PRRT3: variants seen among roughly 807,000 people sequenced by gnomAD.
PRRT3 encodes the protein proline rich transmembrane protein 3.
A neutral mutation model predicts 56.6 loss-of-function variants in PRRT3; 48 were observed. The observed-to-expected ratio is 0.85, with a 90% CI of 0.67 to 1.08. The LOEUF (loss-of-function observed/expected upper bound fraction) is 1.08, where lower values mean the gene tolerates loss of function less well. Ranked by LOEUF, PRRT3 falls within the 50% of genes least tolerant of loss-of-function variation. The pLI is 0.00. For synonymous variants in PRRT3, 641 were observed against 619.1 expected (o/e 1.04, Z -0.52); for missense variants, 1,370 against 1,353.1 (o/e 1.01, Z -0.20).
At position 9,950,189 on chromosome 3, in the gene PRRT3, G is replaced by C; in HGVS notation, c.-57-17C>G. ...TGGATGAGCCTAAAAAAAAAACAGGGCATGGAATGACATGTGAGGGCTGGG... is the reference window on the plus strand; with the variant it reads ...TGGATGAGCCTAAAAAAAAAACAGGCCATGGAATGACATGTGAGGGCTGGG... On this transcript the variant is annotated splice_polypyrimidine_tract_variant and intron_variant, in intron 1 of 3. Coordinates refer to ENST00000412055, the MANE Select transcript of PRRT3 (RefSeq NM_207351.5). The C allele has an allele frequency of 7.9e-7, 1 of 1,262,936 alleles. No homozygotes were observed. The highest frequency in any genetic ancestry group is 1.0e-6 in the Non-Finnish European group (1 of 983,264). The allele number at this position is 1,262,936 out of a possible 1,614,324, so 78.2% of individuals were successfully genotyped here.
chr3:9,947,226 C>T lies in PRRT3; in HGVS notation c.1947G>A (p.Leu649=). 1.3e-6 allele frequency: 2 copies of T among 1,499,376 alleles called. No homozygotes were observed. The highest frequency in any genetic ancestry group is 1.8e-6 in the Non-Finnish European group (2 of 1,131,466). The allele number at this position is 1,499,376 out of a possible 1,614,324, so 92.9% of individuals were successfully genotyped here. A position where few individuals can be genotyped will look rare whatever the true frequency, so the allele number is the denominator to read the frequency against. ...CAGCCGCCAGCTGCAAGCCGCTAGCCAGCAGCCCCAGCGCGCCCGCCACAG... is the reference window on the plus strand; with the variant it reads ...CAGCCGCCAGCTGCAAGCCGCTAGCTAGCAGCCCCAGCGCGCCCGCCACAG... ...LLAVAGALGL[L]ASGLQLAAAL... The change falls in exon 4 of 4, where the codon CTG becomes CTA. Residue 649 remains leucine (L), a synonymous_variant. Coordinates refer to ENST00000412055, the MANE Select transcript of PRRT3 (RefSeq NM_207351.5). The surrounding 1 kb of genome is among the most constrained non-coding windows in gnomAD (Gnocchi z 9.2).
rs1269608085 is a variant in PRRT3 at position 9,948,834 on chromosome 3, C to T, written c.1095G>A (p.Lys365=). The T allele has an allele frequency of 1.9e-6, 3 of 1,612,982 alleles. No individual in the cohort carries two copies. In the South Asian group the frequency reaches 3.3e-5, roughly 18 times the overall value. Residue 365 remains lysine, a synonymous_variant, in exon 3 of 4, where the codon AAG becomes AAA. Coordinates refer to ENST00000412055, the MANE Select transcript of PRRT3 (RefSeq NM_207351.5). ...RGAVEAPGTP[K]SLIPGPSDPG... ...GGTCTGAGGGACCAGGGATGAGAGA[C>T]TTGGGGGTGCCTGGGGCCTCCACAG... is the stretch of plus-strand genomic sequence containing the variant.
At chr3:9,951,571 C>T (rs2124887593) in intron 1 of PRRT3, among the ~76,000 whole-genome samples, 1 of 152,330 alleles carries the variant, frequency 6.6e-6, no homozygotes, top group African/African-American at 2.4e-5. Context: ...ATGGGCTGCT[C>T]CTGGTCTAGG....
Position 9,949,230 on chromosome 3 carries a change from C to T in PRRT3, c.886G>A (p.Val296Met), listed in dbSNP as rs754226356. ...VETPKRAGAE[V>M]SWEVSSPGPP... Reference sequence around the variant, plus strand: ...CCTGGGGAGCTGACTTCCCAGGACACCTCAGCGCCAGCCCTCTTGGGGGTC... The same window carrying T: ...CCTGGGGAGCTGACTTCCCAGGACATCTCAGCGCCAGCCCTCTTGGGGGTC... Residue 296 changes from valine to methionine, a missense_variant, in exon 2 of 4, where the codon GTG becomes ATG. Val to Met is a conservative substitution (Grantham distance 21). Transcript: ENST00000412055. This position sits in a 1 kb window ranked among gnomAD's most constrained non-coding sequence, Gnocchi z 4.5. 39 of 1,603,504 alleles carry T rather than the reference C, an allele frequency of 2.4e-5. No homozygotes were observed. The highest frequency in any genetic ancestry group is 1.7e-4 in the Middle Eastern group (1 of 6,008).
rs2124874256 is a variant in PRRT3, at chr3:9,946,311, C to T, written c.2862G>A (p.Arg954=). ...PTPAPDSTAA[R]QGDGQGEVQP... Reference sequence around the variant, plus strand: ...GGACCTCTCCCTGGCCGTCCCCCTGCCGAGCGGCGGTAGAATCAGGGGCTG... The same window carrying T: ...GGACCTCTCCCTGGCCGTCCCCCTGTCGAGCGGCGGTAGAATCAGGGGCTG... The change falls in exon 4 of 4, where the codon CGG becomes CGA. Residue 954 remains arginine (R), a synonymous_variant. Transcript: ENST00000412055. This position sits in a 1 kb window ranked among gnomAD's most constrained non-coding sequence, Gnocchi z 4.1. 1.9e-6 allele frequency: 3 copies of T among 1,612,698 alleles called. No homozygotes were observed. Among genetic ancestry groups the T allele is most frequent in the East Asian group, 2.2e-5 (1 of 44,836 alleles).
chr3:9,950,299 T>C, intron 1 of PRRT3, 127 bp from the exon 2 acceptor site: 1 of 415,902 alleles, frequency 2.4e-6, no homozygotes, highest in Non-Finnish European at 4.2e-6. Context: ...TTGCTGGACG[T>C]GGCACTTGCC....
chr3:9,948,775 A>G lies in PRRT3; in HGVS notation c.1154T>C (p.Met385Thr), dbSNP rs754608915. The stretch of plus-strand genomic sequence containing the variant: ...GCTCTCACCTGGCTGCAGGGCCCCC[A>G]TGGGGCTCTCTGTTCGGTTTACAGC... ...GPAVNRTESP[M>T]GALQPDEAEE... The change falls in exon 3 of 4, where the codon ATG becomes ACG. Residue 385 changes from methionine to threonine, a missense_variant. Met to Thr is a moderately conservative substitution (Grantham distance 81). Transcript: ENST00000412055. The G allele has an allele frequency of 6.2e-7, 1 of 1,613,570 alleles. No individual in the cohort carries two copies. The highest frequency in any genetic ancestry group is 1.1e-5 in the South Asian group (1 of 91,074).
chr3:9,947,110 G>C lies in PRRT3; in HGVS notation c.2063C>G (p.Thr688Arg). The change falls in exon 4 of 4, where the codon ACA becomes AGA. Residue 688 changes from threonine (T) to arginine (R), a missense_variant. Thr to Arg is a moderately conservative substitution (Grantham distance 71, BLOSUM62 -1). Coordinates refer to ENST00000412055, the MANE Select transcript of PRRT3 (RefSeq NM_207351.5). This position sits in a 1 kb window ranked among gnomAD's most constrained non-coding sequence, Gnocchi z 9.2. Reference sequence around the variant, plus strand: ...GGCCAACGCCAGGGCGAGCGCCCATGTCAGCTCCAGGAGGCGCAGCCAGAA... The same window carrying C: ...GGCCAACGCCAGGGCGAGCGCCCATCTCAGCTCCAGGAGGCGCAGCCAGAA... ...VHFWLRLLEL[T>R]WALALALAAV... 2 of 1,538,232 alleles carry C rather than the reference G, an allele frequency of 1.3e-6. No individual in the cohort carries two copies. Among genetic ancestry groups the C allele is most frequent in the South Asian group, 1.2e-5 (1 of 84,068 alleles).
chr3:9,946,350 C>T lies in PRRT3; in HGVS notation c.2823G>A (p.Leu941=). The T allele has an allele frequency of 6.2e-7, 1 of 1,611,668 alleles. No individual in the cohort carries two copies. The highest frequency in any genetic ancestry group is 8.5e-7 in the Non-Finnish European group (1 of 1,179,230). The change falls in exon 4 of 4, where the codon CTG becomes CTA. Residue 941 remains leucine, a synonymous_variant. Coordinates refer to ENST00000412055, the MANE Select transcript of PRRT3 (RefSeq NM_207351.5). The surrounding 1 kb of genome is among the most constrained non-coding windows in gnomAD (Gnocchi z 4.1). ...AATCAGGGGCTGGGGTCGGGGCAGG[C>T]AGTAGCTGTACCGTGCTGGGCAACT... The part of the protein sequence containing the change: ...LDELPSTVQL[L]PAPTPAPDST...
intron 1 of PRRT3, among the ~76,000 whole-genome samples, chr3:9,951,239 G>A (rs1358105376): frequency 1.3e-5 from 2 of 152,204 alleles, no homozygotes; most frequent in African/African-American, 2.4e-5. Context: ...GAGGCAGGAA[G>A]GGGCCCCACC....
Position 9,948,876 on chromosome 3 carries a change from G to A in PRRT3, c.1053C>T (p.Pro351=). The A allele has an allele frequency of 1.2e-6, 2 of 1,604,668 alleles. No homozygotes were observed. Among genetic ancestry groups the A allele is most frequent in the Non-Finnish European group, 1.7e-6 (2 of 1,175,222 alleles). Residue 351 remains proline (P), a synonymous_variant, in exon 3 of 4, where the codon CCC becomes CCT. Coordinates refer to ENST00000412055, the MANE Select transcript of PRRT3 (RefSeq NM_207351.5). The stretch of plus-strand genomic sequence containing the variant: ...CCTCCACAGCTCCTCTCACCCGCTG[G>A]GGGGAGATGGGGTCTGCTCCATTCA... ...AAMNGADPIS[P]QRVRGAVEAP... is the part of the protein sequence containing the mutation.
rs2085497343 is a variant in PRRT3 at position 9,945,597 on chromosome 3, G to A, written c.*630C>T. ...AAAGAGGACAATCTAGACAAGCGAG[G>A]CTCATCACTCCACGTTGGGGAGTCT... On this transcript the variant is annotated 3_prime_UTR_variant, in exon 4 of 4. Coordinates refer to ENST00000412055, the MANE Select transcript of PRRT3 (RefSeq NM_207351.5). 6.5e-6 allele frequency: 1 copy of A among 152,934 alleles called. No individual in the cohort carries two copies. Among genetic ancestry groups the A allele is most frequent in the South Asian group, 2.1e-4 (1 of 4,838 alleles). 9.5% of individuals were successfully genotyped at this position (152,934 alleles called of 1,614,324 possible).
rs532427544 is a variant in PRRT3, at chr3:9,951,389, T to G, written c.-58+933A>C. Among the ~76,000 whole-genome samples the G allele has an allele frequency of 4.5e-4, 69 of 152,246 alleles. 1 individual carries two copies. Among genetic ancestry groups the G allele is most frequent in the Middle Eastern group, 6.8e-3 (2 of 294 alleles). ...AACCCATGGTGGCTCACAGACACCT[T>G]AAGAAGCCACTGAAAACCCCTGGTG... is the stretch of plus-strand genomic sequence containing the variant. On this transcript the variant is annotated intron_variant, in intron 1 of 3. Coordinates refer to ENST00000412055, the MANE Select transcript of PRRT3 (RefSeq NM_207351.5).
Position 9,946,768 on chromosome 3 carries a change from AG to A in PRRT3, c.2404del (p.Leu802TrpfsTer11), listed in dbSNP as rs771830963. 11 of 1,542,118 alleles carry A rather than the reference AG, an allele frequency of 7.1e-6. No individual in the cohort carries two copies. Among genetic ancestry groups the A allele is most frequent in the Non-Finnish European group, 9.5e-6 (11 of 1,152,910 alleles). ...GVGPAPSLSELDLRPPSPINL... is the reference protein window; with the variant it reads ...GVGPAPSLSEXDLRPPSPINL... ...GATGGGCGATGGCGGCCGCAGATCCAGCTCGCTCAGCGATGGCGCCGGTCCC... is the reference window on the plus strand; with the variant it reads ...GATGGGCGATGGCGGCCGCAGATCCACTCGCTCAGCGATGGCGCCGGTCCC... On this transcript the variant is annotated frameshift_variant, in exon 4 of 4. Transcript: ENST00000412055. LOFTEE classifies it high-confidence loss of function. This position sits in a 1 kb window ranked among gnomAD's most constrained non-coding sequence, Gnocchi z 4.1.
intron 1 of PRRT3, among the ~76,000 whole-genome samples, chr3:9,950,409 G>C (rs1286986189): frequency 2.6e-5 from 4 of 152,014 alleles, no homozygotes; most frequent in Non-Finnish European, 4.4e-5. Context: ...CTGTTCATCT[G>C]TCCTCCAACA....
At position 9,945,958 on chromosome 3, in the gene PRRT3, C is replaced by G; in HGVS notation, c.*269G>C. 1 of 337,168 alleles carries G rather than the reference C, an allele frequency of 3.0e-6. No individual in the cohort carries two copies. Among genetic ancestry groups the G allele is most frequent in the South Asian group, 3.5e-5 (1 of 28,898 alleles). 20.9% of individuals were successfully genotyped at this position (337,168 alleles called of 1,614,324 possible). A position where few individuals can be genotyped will look rare whatever the true frequency, so the allele number is the denominator to read the frequency against. On this transcript the variant is annotated 3_prime_UTR_variant, in exon 4 of 4. Transcript: ENST00000412055. ...AAGCAATTCTCCCGCCTCAGCCTCCCGAGTAGCTGGGACTACAGGCGTGTG... is the reference window on the plus strand; with the variant it reads ...AAGCAATTCTCCCGCCTCAGCCTCCGGAGTAGCTGGGACTACAGGCGTGTG...
chr3:9,948,834 C>A lies in PRRT3; in HGVS notation c.1095G>T (p.Lys365Asn). ...GGTCTGAGGGACCAGGGATGAGAGA[C>A]TTGGGGGTGCCTGGGGCCTCCACAG... ...RGAVEAPGTP[K>N]SLIPGPSDPG... The change falls in exon 3 of 4, where the codon AAG becomes AAT. Residue 365 changes from lysine (K) to asparagine (N), a missense_variant. Physicochemically the swap from Lys to Asn is moderately conservative, Grantham distance 94. Transcript: ENST00000412055. 6.2e-7 allele frequency: 1 copy of A among 1,612,982 alleles called. No individual in the cohort carries two copies. The highest frequency in any genetic ancestry group is 8.5e-7 in the Non-Finnish European group (1 of 1,179,504).
Position 9,947,994 on chromosome 3 carries a change from G to C in PRRT3, c.1179C>G (p.Ala393=), listed in dbSNP as rs1285078002. Residue 393 remains alanine (A), a synonymous_variant, in exon 4 of 4, where the codon GCC becomes GCG. Transcript: ENST00000412055. The surrounding 1 kb of genome is among the most constrained non-coding windows in gnomAD (Gnocchi z 9.2). Reference sequence around the variant, plus strand: ...TTTGGGGGCGCCCCGGCCACTCCTCGGCTTCATCTGCAATTATAACAATAT... The same window carrying C: ...TTTGGGGGCGCCCCGGCCACTCCTCCGCTTCATCTGCAATTATAACAATAT... ...SPMGALQPDE[A]EEWPGRPQSH... The C allele has an allele frequency of 6.0e-6, 8 of 1,342,712 alleles. No individual in the cohort carries two copies. The East Asian group carries it at 2.3e-4, about 38-fold the overall frequency. 83.2% of individuals were successfully genotyped at this position (1,342,712 alleles called of 1,614,324 possible).
rs1358619505 is a variant in PRRT3, at chr3:9,947,824, G to C, written c.1349C>G (p.Pro450Arg). 4.2e-6 allele frequency: 6 copies of C among 1,441,094 alleles called. No homozygotes were observed. Among genetic ancestry groups the C allele is most frequent in the Non-Finnish European group, 5.5e-6 (6 of 1,096,822 alleles). 89.3% of individuals were successfully genotyped at this position (1,441,094 alleles called of 1,614,324 possible). ...SMASAPASSP[P>R]ANATAPPLRW... ...TAGCGGGGGTGCAGTGGCGTTGGCT[G>C]GGGGGCTGGAGGCTGGGGCTGAAGC... The change falls in exon 4 of 4, where the codon CCA becomes CGA. Residue 450 changes from proline (P) to arginine (R), a missense_variant. Coordinates refer to ENST00000412055, the MANE Select transcript of PRRT3 (RefSeq NM_207351.5). This position sits in a 1 kb window ranked among gnomAD's most constrained non-coding sequence, Gnocchi z 9.2.
Sources: gnomAD v4.1 joint callset for allele counts (sites outside exome capture counted in the v4.1 genomes callset) on GRCh38, gnomAD v4.1.1 for gene constraint, Gnocchi (gnomAD v3.1) non-coding constraint, MANE v1.5 for transcripts, NCBI Gene and HGNC (gene_info 2026-07-23, HGNC 2026-07-21) for gene names.